Variants in RALGAPA1 observed in about 807,000 individuals in gnomAD.
RALGAPA1 encodes the protein ral GTPase-activating protein subunit alpha-1.
In RALGAPA1, 52 loss-of-function variants were observed where a neutral mutation model predicts 269.6. The observed-to-expected ratio is 0.19, with a 90% CI of 0.15 to 0.24. The LOEUF (loss-of-function observed/expected upper bound fraction) is 0.24, where lower values mean the gene tolerates loss of function less well. RALGAPA1 is among the 10% of genes least tolerant of loss of function. The pLI is 1.00. For synonymous variants in RALGAPA1, 817 were observed against 1,008.3 expected, an observed-to-expected ratio of 0.81 and a Z score of 3.60; for missense variants, 1,917 against 3,013.9, an observed-to-expected ratio of 0.64 and a Z score of 8.52.
At chr14:35,601,608 G>T (rs191476734) in intron 36 of RALGAPA1, among the ~76,000 whole-genome samples, 1 of 152,216 alleles carries the variant, frequency 6.6e-6, no homozygotes, top group Admixed American at 6.5e-5. Flanking sequence ...TGCACCCATT[G>T]GTGTTTCTAG....
rs149425991 is a variant in RALGAPA1, at chr14:35,671,573, G to A, written c.5074-56C>T. 5.6e-3 allele frequency: 5,101 copies of A among 912,566 alleles called. 71 individuals are homozygous for A. Among genetic ancestry groups the A allele is most frequent in the Admixed American group, 0.041 (2,104 of 50,720 alleles). The allele number at this position is 912,566 out of a possible 1,614,324, so 56.5% of individuals were successfully genotyped here. ...ATCACATATGTAATCTTGAGTATCA[G>A]CTAATCAGTATCATTAAAAATAGAT... On this transcript the variant is annotated intron_variant, in intron 25 of 41. Coordinates refer to ENST00000680220, the MANE Select transcript of RALGAPA1 (RefSeq NM_001346249.2).
chr14:35,718,956 C>T (rs1447267348), intron 16 of RALGAPA1, among the ~76,000 whole-genome samples: 7 of 151,850 alleles, frequency 4.6e-5, no homozygotes, highest in Non-Finnish European at 8.8e-5. Flanking sequence ...CTTCCCACCT[C>T]AGTCCTCCAA....
At chr14:35,619,170 C>G (rs1158779489) in intron 35 of RALGAPA1, among the ~76,000 whole-genome samples, 10 of 151,614 alleles carry the variant, frequency 6.6e-5, no homozygotes, top group Admixed American at 6.6e-4. Context: ...AAATGATAGA[C>G]AAATCTAACC....
chr14:35,713,131 T>C (rs551508245), intron 16 of RALGAPA1, among the ~76,000 whole-genome samples: 1 of 152,276 alleles, frequency 6.6e-6, no homozygotes, highest in Admixed American at 6.5e-5. Flanking sequence ...GACAAGAAGG[T>C]AGAAAACGGA....
Position 35,600,232 on chromosome 14 carries a change from C to G in RALGAPA1, c.7054-4443G>C. On this transcript the variant is annotated intron_variant, in intron 36 of 41. Transcript: ENST00000680220. ...TCCTTTTTTTTCTTTTTCTTTTTTT[C>G]TTTTTTTTTTTTTTTTTGAGACAGG... Among the ~76,000 whole-genome samples, 3 of 86,952 alleles carry G rather than the reference C, an allele frequency of 3.5e-5. No homozygotes were observed. In the South Asian group the frequency reaches 1.1e-3, roughly 33 times the overall value. The allele number at this position is 86,952 out of a possible 152,430, so 57.0% of individuals were successfully genotyped here.
chr14:35,617,996 A>G (rs1472178788), intron 35 of RALGAPA1, among the ~76,000 whole-genome samples: 1 of 152,158 alleles, frequency 6.6e-6, no homozygotes, highest in Non-Finnish European at 1.5e-5. Flanking sequence ...TTTAGAAAAT[A>G]GAAAACAAAA....
At chr14:35,715,352 G>T (rs2068721164) in intron 16 of RALGAPA1, among the ~76,000 whole-genome samples, 1 of 150,760 alleles carries the variant, frequency 6.6e-6, no homozygotes, top group African/African-American at 2.4e-5. Flanking sequence ...TTTTCTTTCA[G>T]GAATTATGTT....
At chr14:35,577,336 A>G (rs1349584183) in intron 37 of RALGAPA1, among the ~76,000 whole-genome samples, 1 of 151,248 alleles carries the variant, frequency 6.6e-6, no homozygotes, top group Non-Finnish European at 1.5e-5. Flanking sequence ...AAGGTAGGGA[A>G]CTCTGGGAGG....
At chr14:35,786,487 A>C (rs2075805128) in intron 1 of RALGAPA1, among the ~76,000 whole-genome samples, 1 of 151,678 alleles carries the variant, frequency 6.6e-6, no homozygotes, top group African/African-American at 2.4e-5. Flanking sequence ...AAATACAAAA[A>C]ATTAGCCGGG....
chr14:35,539,802 C>T lies in RALGAPA1; in HGVS notation c.*24-112G>A, dbSNP rs2053801513. ...GATCCCATCCCTTAATAAGATCTTTCGAGGGAAAAAGCAAGCCCCAAACTT... is the reference window on the plus strand; with the variant it reads ...GATCCCATCCCTTAATAAGATCTTTTGAGGGAAAAAGCAAGCCCCAAACTT... On this transcript the variant is annotated intron_variant, in intron 41 of 41. Transcript: ENST00000680220. 2.2e-5 allele frequency: 32 copies of T among 1,474,606 alleles called. No homozygotes were observed. The South Asian group carries it at 2.8e-4, about 13-fold the overall frequency. The allele number at this position is 1,474,606 out of a possible 1,614,324, so 91.3% of individuals were successfully genotyped here.
intron 39 of RALGAPA1, among the ~76,000 whole-genome samples, chr14:35,558,827 G>C (rs1199133928): frequency 6.6e-6 from 1 of 152,094 alleles, no homozygotes; most frequent in African/African-American, 2.4e-5. Context: ...TAAATGGGCA[G>C]TTCCTGCTGC....
At chr14:35,671,311 CTTG>C in intron 26 of RALGAPA1, 75 bp downstream of exon 26, 1 of 1,307,778 alleles carries the variant, frequency 7.6e-7, no homozygotes. Flanking sequence ...TGATTATCAG[CTTG>C]TTATGTTTTA....
intron 37 of RALGAPA1, among the ~76,000 whole-genome samples, chr14:35,580,547 C>G (rs2057887821): frequency 6.6e-6 from 1 of 152,100 alleles, no homozygotes; most frequent in Non-Finnish European, 1.5e-5. Flanking sequence ...CTAATTTGCT[C>G]AAGAAGTATA....
intron 39 of RALGAPA1, among the ~76,000 whole-genome samples, chr14:35,561,011 C>T (rs1030110575): frequency 1.1e-4 from 16 of 151,784 alleles, no homozygotes; most frequent in South Asian, 2.1e-4. Flanking sequence ...AGATGGATCA[C>T]GAGGTCAGGA....
chr14:35,648,397 C>T (rs1006693774), intron 31 of RALGAPA1, among the ~76,000 whole-genome samples: 16 of 149,122 alleles, frequency 1.1e-4, no homozygotes, highest in African/African-American at 2.0e-4. Context: ...ACCTAGGAGG[C>T]GGAGATTGCA....
Position 35,689,615 on chromosome 14 carries a change from G to A in RALGAPA1, c.2796C>T (p.Asp932=), listed in dbSNP as rs2066308589. ...AAAGAAGATCATCATCTCCTTCAAG[G>A]TCAATGTACTGGATTTGTTCAAAAG... The part of the protein sequence containing the change: ...DSAFEQIQYI[D]LEGDDDLLST... The change falls in exon 18 of 42, where the codon GAC becomes GAT. Residue 932 remains aspartate, a synonymous_variant. Coordinates refer to ENST00000680220, the MANE Select transcript of RALGAPA1 (RefSeq NM_001346249.2). 8.0e-7 allele frequency: 1 copy of A among 1,250,196 alleles called. No homozygotes were observed. The highest frequency in any genetic ancestry group is 3.1e-5 in the East Asian group (1 of 31,850). 77.4% of individuals were successfully genotyped at this position (1,250,196 alleles called of 1,614,324 possible).
At chr14:35,678,813 G>A (rs2065172381) in intron 21 of RALGAPA1, among the ~76,000 whole-genome samples, 1 of 151,914 alleles carries the variant, frequency 6.6e-6, no homozygotes, top group Admixed American at 6.6e-5. Flanking sequence ...CCTTTGCATG[G>A]AGCCCTAATC....
intron 1 of RALGAPA1, among the ~76,000 whole-genome samples, chr14:35,803,266 A>G (rs1194191379): frequency 6.6e-6 from 1 of 152,180 alleles, no homozygotes; most frequent in Non-Finnish European, 1.5e-5. Flanking sequence ...TTTTTCAACA[A>G]ACAGAGCTGG....
chr14:35,808,933 G>A lies in RALGAPA1; in HGVS notation c.-98C>T. ...GAGTGGACGGGGAGGAGACTAGCCA[G>A]AGAGGCTCATTAGCTCCCCAGCCTT... On this transcript the variant is annotated 5_prime_UTR_variant, in exon 1 of 42. Transcript: ENST00000680220. The A allele has an allele frequency of 6.6e-7, 1 of 1,509,090 alleles. No homozygotes were observed. The highest frequency in any genetic ancestry group is 8.8e-7 in the Non-Finnish European group (1 of 1,130,356). The allele number at this position is 1,509,090 out of a possible 1,614,324, so 93.5% of individuals were successfully genotyped here.
Sources: allele counts gnomAD v4.1 joint callset (sites outside exome capture counted in the v4.1 genomes callset), GRCh38; gene constraint gnomAD v4.1.1; transcripts MANE v1.5; gene names NCBI Gene and HGNC (gene_info 2026-07-23, HGNC 2026-07-21).